The following EBF4 variants were observed in gnomAD, a reference collection of about 807,000 sequenced individuals.
EBF4 encodes EBF transcription factor 4, also known as transcription factor COE4.
Under a neutral mutation model 67.1 loss-of-function variants are expected in EBF4, and 34 were observed. The ratio of observed to expected loss-of-function variants is 0.51; its 90% CI spans 0.39 to 0.67. The LOEUF is 0.67. Ranked by LOEUF, EBF4 falls within the 30% of genes least tolerant of loss-of-function variation. EBF4 has a pLI of 0.00. For synonymous variants in EBF4, 387 were observed against 377.7 expected, an observed-to-expected ratio of 1.02 and a Z score of -0.29; for missense variants, 837 against 873.3, an observed-to-expected ratio of 0.96 and a Z score of 0.52.
intron 6 of EBF4, among the ~76,000 whole-genome samples, chr20:2,744,582 C>G (rs2088022495): frequency 6.7e-6 from 1 of 148,506 alleles, no homozygotes; most frequent in Non-Finnish European, 1.5e-5. Flanking sequence ...ACCTCCACCT[C>G]CCCCGTTCAA....
chr20:2,756,940 C>G lies in EBF4; in HGVS notation c.1738+1116C>G, dbSNP rs953877728. ...TATTTGAGCACAAAAATGTATTTTT[C>G]TAACAGCATCTTGAGATTAGTTCCT... On this transcript the variant is annotated intron_variant, in intron 15 of 16. Coordinates refer to ENST00000609451, the Ensembl canonical transcript of EBF4. The surrounding 1 kb of genome is among the most constrained non-coding windows in gnomAD (Gnocchi z 4.5). Among the ~76,000 whole-genome samples, 14 of 152,208 alleles carry G rather than the reference C, an allele frequency of 9.2e-5. No individual in the cohort carries two copies. Among genetic ancestry groups the G allele is most frequent in the African/African-American group, 2.4e-4 (10 of 41,436 alleles).
intron 4 of EBF4, among the ~76,000 whole-genome samples, 155 bp downstream of exon 4, chr20:2,706,419 C>T (rs533790513): frequency 2.9e-4 from 44 of 152,266 alleles, no homozygotes; most frequent in African/African-American, 9.1e-4. Flanking sequence ...CAGCCTGTGC[C>T]GGAGGGTGTG....
In EBF4 at chr20:2,756,910, A is replaced by C. The variant is rs1352919242; in HGVS notation, c.1738+1086A>C. Among the ~76,000 whole-genome samples, 1 of 152,254 alleles carries C rather than the reference A, an allele frequency of 6.6e-6. No homozygotes were observed. The highest frequency in any genetic ancestry group is 1.5e-5 in the Non-Finnish European group (1 of 68,044). Reference sequence around the variant, plus strand: ...GAACCTTCTAGGAAACAGGAGATGCAAATTTATTTGAGCACAAAAATGTAT... The same window carrying C: ...GAACCTTCTAGGAAACAGGAGATGCCAATTTATTTGAGCACAAAAATGTAT... On this transcript the variant is annotated intron_variant, in intron 15 of 16. Transcript: ENST00000609451. This position sits in a 1 kb window ranked among gnomAD's most constrained non-coding sequence, Gnocchi z 4.5.
At chr20:2,748,428 C>T (rs2088085831) in intron 6 of EBF4, 121 bp from the exon 7 acceptor site, 1 of 905,916 alleles carries the variant, frequency 1.1e-6, no homozygotes, top group Non-Finnish European at 1.7e-6. Context: ...GGATGTGTGC[C>T]TGAGTGGGAG....
At position 2,696,147 on chromosome 20, in the gene EBF4, T is replaced by G. The variant is rs1444676746; in HGVS notation, c.137+2365T>G. Among the ~76,000 whole-genome samples, 1 of 152,202 alleles carries G rather than the reference T, an allele frequency of 6.6e-6. No homozygotes were observed. Among genetic ancestry groups the G allele is most frequent in the South Asian group, 2.1e-4 (1 of 4,826 alleles). On this transcript the variant is annotated intron_variant, in intron 1 of 16. Transcript: ENST00000609451. This position sits in a 1 kb window ranked among gnomAD's most constrained non-coding sequence, Gnocchi z 4.7. ...ACCAAAGCAGTATTTCCAAAGTACT[T>G]TTTTAAGATCATGTCTCTCTCCGAT...
chr20:2,725,273 C>T (rs1326461220), intron 6 of EBF4, among the ~76,000 whole-genome samples: 1 of 152,086 alleles, frequency 6.6e-6, no homozygotes, highest in Non-Finnish European at 1.5e-5. Context: ...ATATTGCATT[C>T]TGGGTAATTG....
intron 6 of EBF4, among the ~76,000 whole-genome samples, chr20:2,725,270 AT>A (rs1225755584): frequency 2.0e-5 from 3 of 152,024 alleles, no homozygotes; most frequent in Non-Finnish European, 2.9e-5. Context: ...TTCATATTGC[AT>A]TCTGGGTAAT....
chr20:2,726,786 T>TA (rs1412140345), intron 6 of EBF4, among the ~76,000 whole-genome samples: 3 of 152,296 alleles, frequency 2.0e-5, no homozygotes, highest in African/African-American at 7.2e-5. Context: ...TAGGTTGTGG[T>TA]AAAAAACACA....
rs778840182 is a variant in EBF4 at position 2,744,487 on chromosome 20, C to CTTTTTTTTTTTTTTTTTT, written c.558-4058_558-4057insTTTTTTTTTTTTTTTTTT. ...TTTTTCTTTTCTTTTTTCTTTTTTT[C>CTTTTTTTTTTTTTTTTTT]TTTTCTTTTTTTTTTTTTTTTTGAG... On this transcript the variant is annotated intron_variant, in intron 6 of 16. Coordinates refer to ENST00000609451, the Ensembl canonical transcript of EBF4. 3.5e-4 allele frequency among the ~76,000 whole-genome samples: 39 copies of CTTTTTTTTTTTTTTTTTT among 111,486 alleles called. 1 individual carries two copies. Among genetic ancestry groups the CTTTTTTTTTTTTTTTTTT allele is most frequent in the African/African-American group, 7.9e-4 (20 of 25,446 alleles). 73.1% of individuals were successfully genotyped at this position (111,486 alleles called of 152,430 possible).
chr20:2,752,256 C>G (rs2235813), exon 13 of EBF4: 317,857 of 1,267,514 alleles, frequency 0.25, 41,242 homozygotes, highest in African/African-American at 0.37. Flanking sequence ...CCCCGGGGCC[C>G]GAGCCGGGTG....
At chr20:2,758,703 C>A in intron 15 of EBF4, 1 of 600,962 alleles carries the variant, frequency 1.7e-6, no homozygotes. Context: ...AGGTAGGGAG[C>A]AAGGGCGTGG....
rs1461902131 is a variant in EBF4, at chr20:2,708,032, A to C, written c.488+12A>C. On this transcript the variant is annotated intron_variant, in intron 5 of 16. Coordinates refer to ENST00000609451, the Ensembl canonical transcript of EBF4. ...GAGATCATGTGCAGGTGAGATGGCC[A>C]TGTCACTCACACCTCACCCCTCTGC... 6.2e-7 allele frequency: 1 copy of C among 1,603,126 alleles called. No individual in the cohort carries two copies. Among genetic ancestry groups the C allele is most frequent in the East Asian group, 2.2e-5 (1 of 44,546 alleles).
At position 2,747,313 on chromosome 20, in the gene EBF4, C is replaced by CAAAAAAA. The variant is rs1415178435; in HGVS notation, c.558-1233_558-1232insAAAAAAA. Among the ~76,000 whole-genome samples, 32 of 123,268 alleles carry CAAAAAAA rather than the reference C, an allele frequency of 2.6e-4. No homozygotes were observed. The highest frequency in any genetic ancestry group is 3.3e-4 in the African/African-American group (10 of 30,388). The allele number at this position is 123,268 out of a possible 152,430, so 80.9% of individuals were successfully genotyped here. Reference sequence around the variant, plus strand: ...CTCTGTCTCAAAACAAAAAACAAAACAAACAAAAAAAAAAAAACAGGAAAA... The same window carrying CAAAAAAA: ...CTCTGTCTCAAAACAAAAAACAAAACAAAAAAAAAACAAAAAAAAAAAAACAGGAAAA... On this transcript the variant is annotated intron_variant, in intron 6 of 16. Transcript: ENST00000609451. This position sits in a 1 kb window ranked among gnomAD's most constrained non-coding sequence, Gnocchi z 4.6.
chr20:2,731,645 G>A (rs73892657), intron 6 of EBF4, among the ~76,000 whole-genome samples: 2,415 of 152,282 alleles, frequency 0.016, 75 homozygotes, highest in African/African-American at 0.054. Context: ...TCTCTGCTGC[G>A]GACATCTGTC....
chr20:2,735,839 GA>G (rs1450458751), intron 6 of EBF4, among the ~76,000 whole-genome samples: 5 of 151,966 alleles, frequency 3.3e-5, no homozygotes, highest in African/African-American at 9.7e-5. Context: ...TTATAATTTT[GA>G]AAAAAATTCG....
rs1315607061 is a variant in EBF4, at chr20:2,709,632, A to G, written c.547A>G (p.Ile183Val). 5.1e-6 allele frequency: 8 copies of G among 1,553,888 alleles called. 1 individual carries two copies. Among genetic ancestry groups the G allele is most frequent in the South Asian group, 4.7e-5 (4 of 84,350 alleles). Reference sequence around the variant, plus strand: ...GAATGAGACGCCCTCAGACCCCGTCATCATTGACAGGTACAGGCTCAGGGA... The same window carrying G: ...GAATGAGACGCCCTCAGACCCCGTCGTCATTGACAGGTACAGGCTCAGGGA... The change falls in exon 6 of 17, where the codon ATC (isoleucine) becomes GTC (valine). Residue 183 changes from isoleucine (I) to valine (V), a missense_variant. By Grantham distance (29) the Ile-to-Val change is conservative. Around this residue, in one of 3 missense-constraint regions of EBF4, gnomAD observed 226 missense variants for 306.5 expected, o/e 0.74. Transcript: ENST00000609451.
chr20:2,694,903 G>A (rs2087266232), intron 1 of EBF4, among the ~76,000 whole-genome samples: 1 of 152,208 alleles, frequency 6.6e-6, no homozygotes, highest in Non-Finnish European at 1.5e-5. Context: ...TCTTACGGAA[G>A]AGAAAGGGTC....
intron 6 of EBF4, among the ~76,000 whole-genome samples, chr20:2,712,532 G>A (rs2087557880): frequency 6.6e-6 from 1 of 152,168 alleles, no homozygotes; most frequent in African/African-American, 2.4e-5. Flanking sequence ...TCTGGAGTTT[G>A]GTTTGAGCAT....
In EBF4 at chr20:2,755,449, C is replaced by G; in HGVS notation, c.1541-178C>G. 1.7e-6 allele frequency: 1 copy of G among 590,712 alleles called. No homozygotes were observed. The allele number at this position is 590,712 out of a possible 1,614,324, so 36.6% of individuals were successfully genotyped here. On this transcript the variant is annotated intron_variant, in intron 14 of 16. Coordinates refer to ENST00000609451, the Ensembl canonical transcript of EBF4. The surrounding 1 kb of genome is among the most constrained non-coding windows in gnomAD (Gnocchi z 4.7). ...AGCCCCGAGAAAAGGTCTCCAGAACCGCTGAGAGGTCAGGGCTGGCCCAGG... is the reference window on the plus strand; with the variant it reads ...AGCCCCGAGAAAAGGTCTCCAGAACGGCTGAGAGGTCAGGGCTGGCCCAGG...
Sources: allele counts gnomAD v4.1 joint callset (sites outside exome capture counted in the v4.1 genomes callset), GRCh38; gene constraint gnomAD v4.1.1; regional missense constraint gnomAD v4.1.1; non-coding constraint Gnocchi (gnomAD v3.1); transcripts MANE v1.5; gene names NCBI Gene and HGNC (gene_info 2026-07-23, HGNC 2026-07-21).